KLRD1: variants seen among roughly 807,000 people sequenced by gnomAD.
KLRD1 encodes killer cell lectin like receptor D1, also known as natural killer cells antigen CD94.
In KLRD1, 21 loss-of-function variants were observed where a neutral mutation model predicts 22.6. The observed-to-expected ratio is 0.93, with a 90% CI of 0.66 to 1.34. The LOEUF is 1.34. Among genes scored for constraint, KLRD1 ranks in the 40% most tolerant of loss-of-function variants. The probability of loss-of-function intolerance (pLI) is 0.00; values close to 1 mark genes in which losing one functional copy is unlikely to be tolerated. For synonymous variants in KLRD1, 59 were observed against 71.1 expected (o/e 0.83, Z 0.85); for missense variants, 183 against 208.6 (o/e 0.88, Z 0.76).
chr12:10,256,436 T>A, intron 1 of KLRD1, among the ~76,000 whole-genome samples: 2 of 112,378 alleles, frequency 1.8e-5, no homozygotes, highest in Middle Eastern at 4.5e-3. Context: ...TTTTTTTTTT[T>A]TTTTTTGTAG....
At chr12:10,300,157 C>G (rs1949855045), upstream of KLRD1, among the ~76,000 whole-genome samples, 1 of 152,154 alleles carries the variant, frequency 6.6e-6, no homozygotes, top group Admixed American at 6.5e-5. Context: ...GAAAGTTGTT[C>G]ATGGCATTCA....
At chr12:10,301,385 A>G (rs1949864990), upstream of KLRD1, among the ~76,000 whole-genome samples, 1 of 152,204 alleles carries the variant, frequency 6.6e-6, no homozygotes, top group Admixed American at 6.5e-5. Flanking sequence ...AAACTGACAC[A>G]TGATAGAATG....
chr12:10,272,921 A>G (rs909048044), intron 1 of KLRD1, among the ~76,000 whole-genome samples: 1 of 152,170 alleles, frequency 6.6e-6, no homozygotes, highest in African/African-American at 2.4e-5. Context: ...AGACTAAATA[A>G]CGTAATATAA....
intron 1 of KLRD1, among the ~76,000 whole-genome samples, chr12:10,254,481 C>T (rs1949375650): frequency 6.9e-6 from 1 of 145,242 alleles, no homozygotes; most frequent in Non-Finnish European, 1.5e-5. Context: ...AGACAATGTA[C>T]AGACTGGGAG....
At chr12:10,248,562 C>T in intron 1 of KLRD1, among the ~76,000 whole-genome samples, 1 of 139,606 alleles carries the variant, frequency 7.2e-6, no homozygotes, top group Non-Finnish European at 1.6e-5. Flanking sequence ...TCCTTCCTTC[C>T]TTCCTTCCTT....
chr12:10,287,643 T>A (rs921819877), intron 1 of KLRD1, among the ~76,000 whole-genome samples: 6 of 152,236 alleles, frequency 3.9e-5, no homozygotes, highest in Non-Finnish European at 8.8e-5. Context: ...GACAGAAGCA[T>A]GAAATGGAGA....
rs1323709473 is a variant in KLRD1, at chr12:10,326,882, C to A, written c.*12089C>A. On this transcript the variant is annotated 3_prime_UTR_variant, in exon 6 of 6. Transcript: ENST00000336164. The stretch of plus-strand genomic sequence containing the variant: ...GGGGGCCCAAGATATTTTCCTTTCA[C>A]ACCTTTGATGCGAACAAGCTGTTTG... 1 of 152,182 alleles carries A rather than the reference C, an allele frequency of 6.6e-6. No homozygotes were observed. Among genetic ancestry groups the A allele is most frequent in the Non-Finnish European group, 1.5e-5 (1 of 68,024 alleles). The allele number at this position is 152,182 out of a possible 1,614,324, so 9.4% of individuals were successfully genotyped here.
intron 1 of KLRD1, among the ~76,000 whole-genome samples, chr12:10,286,611 G>C (rs1341767505): frequency 7.8e-6 from 1 of 127,554 alleles, no homozygotes; most frequent in Non-Finnish European, 1.6e-5. Flanking sequence ...TTAGAAATTA[G>C]TTTTGAATGC....
At chr12:10,285,675 G>T (rs2137659701) in intron 1 of KLRD1, among the ~76,000 whole-genome samples, 2 of 152,182 alleles carry the variant, frequency 1.3e-5, no homozygotes, top group South Asian at 2.1e-4. Flanking sequence ...ATTATCCGAA[G>T]AAAATTCCAG....
chr12:10,298,642 G>A (rs1949841897), intron 1 of KLRD1, among the ~76,000 whole-genome samples: 1 of 152,206 alleles, frequency 6.6e-6, no homozygotes, highest in Non-Finnish European at 1.5e-5. Context: ...CACCCAGGGC[G>A]GGAAACCTTT....
chr12:10,317,238 A>C lies in KLRD1; in HGVS notation c.*2445A>C, dbSNP rs537818004. 1 of 152,320 alleles carries C rather than the reference A, an allele frequency of 6.6e-6. No individual in the cohort carries two copies. Among genetic ancestry groups the C allele is most frequent in the Non-Finnish European group, 1.5e-5 (1 of 68,034 alleles). The allele number at this position is 152,320 out of a possible 1,614,324, so 9.4% of individuals were successfully genotyped here. A position where few individuals can be genotyped will look rare whatever the true frequency, so the allele number is the denominator to read the frequency against. ...TGCTATGGTAAATAGTGCTGCAATA[A>C]ACATACGTGTGCATGTGAGGACAAG... is the stretch of plus-strand genomic sequence containing the variant. On this transcript the variant is annotated 3_prime_UTR_variant, in exon 6 of 6. Transcript: ENST00000336164.
At chr12:10,298,975 G>A (rs1479031244) in intron 1 of KLRD1, among the ~76,000 whole-genome samples, 1 of 152,204 alleles carries the variant, frequency 6.6e-6, no homozygotes, top group East Asian at 1.9e-4. Context: ...CCACGACTGA[G>A]CTGGTCTCAG....
chr12:10,269,979 A>G (rs1949535189), intron 1 of KLRD1, among the ~76,000 whole-genome samples: 1 of 152,194 alleles, frequency 6.6e-6, no homozygotes, highest in Admixed American at 6.5e-5. Flanking sequence ...TTGCTCTTTC[A>G]AATGATCTGA....
At chr12:10,244,155 C>T (rs953900203) in intron 1 of KLRD1, among the ~76,000 whole-genome samples, 1 of 151,942 alleles carries the variant, frequency 6.6e-6, no homozygotes, top group Non-Finnish European at 1.5e-5. Context: ...GTTCTGAAGC[C>T]CCTTGCAAGG....
chr12:10,303,511 T>C (rs560594214), upstream of KLRD1, among the ~76,000 whole-genome samples: 1 of 152,316 alleles, frequency 6.6e-6, no homozygotes, highest in African/African-American at 2.4e-5. Context: ...CAGGAGCAGC[T>C]CTTTTCCTGA....
Position 10,314,721 on chromosome 12 carries a change from T to A in KLRD1, c.468T>A (p.Asn156Lys). The A allele has an allele frequency of 6.3e-7, 1 of 1,598,416 alleles. No homozygotes were observed. The highest frequency in any genetic ancestry group is 8.5e-7 in the Non-Finnish European group (1 of 1,171,692). Residue 156 changes from asparagine to lysine, a missense_variant, in exon 6 of 6, where the codon AAT becomes AAA. By Grantham distance (94) the Asn-to-Lys change is moderately conservative. Coordinates refer to ENST00000336164, the MANE Select transcript of KLRD1 (RefSeq NM_002262.5). ...ATACAAAGAACTGCATAGCGTATAA[T>A]CCAAATGGAAATGCTTTAGATGAAT... ...TFNTKNCIAY[N>K]PNGNALDESC...
chr12:10,293,598 A>T (rs1426277048), intron 1 of KLRD1, among the ~76,000 whole-genome samples: 2 of 152,190 alleles, frequency 1.3e-5, no homozygotes, highest in South Asian at 4.1e-4. Context: ...CTGATCACAG[A>T]TCACCATAAA....
At position 10,328,761 on chromosome 12, in the gene KLRD1, CTT is replaced by C. The variant is rs1950383324; in HGVS notation, c.*13969_*13970del. ...TCCATTTTCACACTGTTGATAAAGA[CTT>C]AACTGAGAGACTGGGTAATTTGTAA... On this transcript the variant is annotated 3_prime_UTR_variant, in exon 6 of 6. Transcript: ENST00000336164. 1 of 152,116 alleles carries C rather than the reference CTT, an allele frequency of 6.6e-6. No individual in the cohort carries two copies. Among genetic ancestry groups the C allele is most frequent in the Non-Finnish European group, 1.5e-5 (1 of 68,036 alleles). The allele number at this position is 152,116 out of a possible 1,614,324, so 9.4% of individuals were successfully genotyped here. A position where few individuals can be genotyped will look rare whatever the true frequency, so the allele number is the denominator to read the frequency against.
intron 1 of KLRD1, among the ~76,000 whole-genome samples, chr12:10,273,660 A>T (rs888723466): frequency 6.6e-6 from 1 of 152,204 alleles, no homozygotes; most frequent in African/African-American, 2.4e-5. Context: ...GTTGGGTCTT[A>T]AGTTGTTTTG....
Sources: allele counts gnomAD v4.1 joint callset (sites outside exome capture counted in the v4.1 genomes callset), GRCh38; gene constraint gnomAD v4.1.1; transcripts MANE v1.5; gene names NCBI Gene and HGNC (gene_info 2026-07-23, HGNC 2026-07-21).